Variants in PTCHD4 observed in about 807,000 individuals in gnomAD.
The protein encoded by PTCHD4 is patched domain-containing protein 4.
Under a neutral mutation model 58.1 loss-of-function variants are expected in PTCHD4, and 33 were observed. The ratio of observed to expected loss-of-function variants is 0.57; its 90% CI spans 0.43 to 0.76. The LOEUF is 0.76. PTCHD4 is among the 30% of genes least tolerant of loss of function. The probability of loss-of-function intolerance (pLI) is 0.00; values close to 1 mark genes in which losing one functional copy is unlikely to be tolerated. For missense variants in PTCHD4, 1,058 were observed against 1,027.1 expected (o/e 1.03, Z -0.41); for synonymous variants, 478 against 409.6 (o/e 1.17, Z -2.02).
rs146242183 is a variant in PTCHD4 at position 47,879,611 on chromosome 6, A to C, written c.1224T>G (p.Ser408=). The C allele has an allele frequency of 1.4e-4, 230 of 1,613,730 alleles. No homozygotes were observed. The African/African-American group carries it at 2.5e-3, about 17-fold the overall frequency. ...CAGGTTTGCGATCCAGGTATTCTGC[A>C]GAAGGGATCTTACAGCAAAAGATGC... ...YHSIFCCKIP[S]AEYLDRKPVW... The change falls in exon 5 of 5, where the codon TCT becomes TCG. Residue 408 remains serine (S), a synonymous_variant. Transcript: ENST00000339488.
chr6:47,919,271 A>C (rs185910122), intron 4 of PTCHD4, among the ~76,000 whole-genome samples: 54 of 152,314 alleles, frequency 3.5e-4, no homozygotes, highest in Admixed American at 1.7e-3. Flanking sequence ...TCTAATGATG[A>C]ATTTGATGGA....
intron 3 of PTCHD4, among the ~76,000 whole-genome samples, chr6:48,038,367 T>C (rs553024077): frequency 6.6e-6 from 1 of 152,082 alleles, no homozygotes; most frequent in African/African-American, 2.4e-5. Context: ...AGAGGCTGCA[T>C]GTGGCAGCTC....
intron 1 of PTCHD4, among the ~76,000 whole-genome samples, chr6:48,107,445 T>C (rs1485873086): frequency 2.6e-5 from 4 of 152,268 alleles, no homozygotes; most frequent in South Asian, 4.1e-4. Context: ...ATACAAAAAT[T>C]AATTCAAGAT....
chr6:47,990,614 C>T (rs554029357), intron 4 of PTCHD4, among the ~76,000 whole-genome samples: 66 of 152,130 alleles, frequency 4.3e-4, no homozygotes, highest in African/African-American at 1.5e-3. Context: ...GTACCTTTTC[C>T]CTCCCACCAT....
chr6:47,923,206 G>C (rs1052498109), intron 4 of PTCHD4, among the ~76,000 whole-genome samples: 2 of 152,060 alleles, frequency 1.3e-5, no homozygotes, highest in Non-Finnish European at 2.9e-5. Flanking sequence ...CAAATTCAAA[G>C]TATAAAAGAG....
intron 4 of PTCHD4, among the ~76,000 whole-genome samples, chr6:47,914,648 ATATATAAAAAGATTTT>A (rs966716154): frequency 3.3e-5 from 5 of 149,482 alleles, no homozygotes; most frequent in African/African-American, 1.2e-4. Flanking sequence ...TATAATTAAA[ATATATAAAAAGATTTT>A]TATATAATAG....
At chr6:48,059,759 C>A (rs150321190) in intron 3 of PTCHD4, among the ~76,000 whole-genome samples, 1 of 152,150 alleles carries the variant, frequency 6.6e-6, no homozygotes, top group African/African-American at 2.4e-5. Flanking sequence ...AAATTCATTA[C>A]ATGACCCTCA....
At chr6:48,085,957 A>C (rs1765256117) in intron 1 of PTCHD4, among the ~76,000 whole-genome samples, 1 of 152,114 alleles carries the variant, frequency 6.6e-6, no homozygotes, top group Non-Finnish European at 1.5e-5. Flanking sequence ...TCCACACTCC[A>C]TTGTACTATA....
chr6:47,896,726 G>C (rs1166819167), intron 4 of PTCHD4, among the ~76,000 whole-genome samples: 2 of 152,166 alleles, frequency 1.3e-5, no homozygotes, highest in Non-Finnish European at 2.9e-5. Flanking sequence ...TGTACACAAA[G>C]GGACCATGGA....
intron 4 of PTCHD4, among the ~76,000 whole-genome samples, chr6:47,945,683 T>C (rs1766389099): frequency 2.0e-5 from 3 of 152,066 alleles, no homozygotes; most frequent in Admixed American, 2.0e-4. Context: ...TTGATTTTTT[T>C]ACTACCTTCA....
chr6:48,092,346 ACTAT>A (rs1361870934), intron 1 of PTCHD4, among the ~76,000 whole-genome samples: 5 of 152,142 alleles, frequency 3.3e-5, no homozygotes, highest in African/African-American at 1.2e-4. Context: ...CAAATACTAA[ACTAT>A]CTATTTTTTA....
At chr6:48,003,847 C>A (rs943800004) in intron 4 of PTCHD4, among the ~76,000 whole-genome samples, 3 of 152,150 alleles carry the variant, frequency 2.0e-5, no homozygotes, top group African/African-American at 7.2e-5. Flanking sequence ...CTTCGCCAAG[C>A]AAGGTCCTAT....
rs553859027 is a variant in PTCHD4 at position 47,869,706 on chromosome 6, A to G, written c.*8597T>C. Among the ~76,000 whole-genome samples, 1 of 151,706 alleles carries G rather than the reference A, an allele frequency of 6.6e-6. No homozygotes were observed. The highest frequency in any genetic ancestry group is 1.5e-5 in the Non-Finnish European group (1 of 67,758). On this transcript the variant is annotated 3_prime_UTR_variant, in exon 5 of 5. Coordinates refer to ENST00000339488, the MANE Select transcript of PTCHD4 (RefSeq NM_001384253.1). ...ATCACAGTATTATTTTAATGTATGT[A>G]TTCTTGAATGTTTAAAGGATAAAAA...
intron 4 of PTCHD4, among the ~76,000 whole-genome samples, chr6:47,910,534 A>G (rs1765036672): frequency 6.6e-6 from 1 of 152,144 alleles, no homozygotes; most frequent in African/African-American, 2.4e-5. Context: ...ACACATTTCC[A>G]TACAAATAAT....
chr6:47,974,353 A>C (rs1421191345), intron 4 of PTCHD4, among the ~76,000 whole-genome samples: 1 of 152,186 alleles, frequency 6.6e-6, no homozygotes, highest in African/African-American at 2.4e-5. Context: ...AAATACATTC[A>C]TTGTAATTAA....
chr6:48,096,976 T>G (rs1317583940), intron 1 of PTCHD4, among the ~76,000 whole-genome samples: 4 of 152,160 alleles, frequency 2.6e-5, no homozygotes, highest in Admixed American at 6.5e-5. Flanking sequence ...GACCATAATT[T>G]TATTTCTTGT....
intron 4 of PTCHD4, among the ~76,000 whole-genome samples, chr6:47,931,211 C>A (rs1645116419): frequency 1.3e-5 from 2 of 152,244 alleles, no homozygotes; most frequent in Non-Finnish European, 2.9e-5. Flanking sequence ...TCCCCATTCA[C>A]CACGAACAGG....
chr6:48,078,424 C>T (rs958470751), intron 1 of PTCHD4, among the ~76,000 whole-genome samples: 1 of 152,234 alleles, frequency 6.6e-6, no homozygotes, highest in African/African-American at 2.4e-5. Flanking sequence ...AGATTAAATA[C>T]TGCCTGCCAA....
chr6:47,905,096 G>A (rs1224266842), intron 4 of PTCHD4, among the ~76,000 whole-genome samples: 1 of 111,806 alleles, frequency 8.9e-6, no homozygotes, highest in Non-Finnish European at 1.9e-5. Flanking sequence ...TAAATGAATG[G>A]ATAGACTTTT....
Sources: gnomAD v4.1 joint callset for allele counts (sites outside exome capture counted in the v4.1 genomes callset) on GRCh38, gnomAD v4.1.1 for gene constraint, MANE v1.5 for transcripts, NCBI Gene and HGNC (gene_info 2026-07-23, HGNC 2026-07-21) for gene names.